The following FAM151A variants were observed in gnomAD, a reference collection of about 807,000 sequenced individuals.
FAM151A encodes the protein protein FAM151A.
A neutral mutation model predicts 40.4 loss-of-function variants in FAM151A; 41 were observed. The ratio of observed to expected loss-of-function variants is 1.01; its 90% confidence interval spans 0.79 to 1.32. The LOEUF (loss-of-function observed/expected upper bound fraction) is 1.32. Among genes scored for constraint, FAM151A ranks in the 40% most tolerant of loss-of-function variants. The probability of loss-of-function intolerance (pLI) is 0.00; values close to 1 mark genes in which losing one functional copy is unlikely to be tolerated. For synonymous variants in FAM151A, 337 were observed against 312.5 expected, an observed-to-expected ratio of 1.08 and a Z score of -0.83; for missense variants, 740 against 740.4, an observed-to-expected ratio of 1.00 and a Z score of 0.01.
At chr1:54,620,072 C>A in intron 1 of FAM151A, 65 bp from the exon 2 acceptor site, 1 of 1,551,468 alleles carries the variant, frequency 6.4e-7, no homozygotes, top group South Asian at 1.2e-5. Flanking sequence ...CATGTTCGTT[C>A]ATCCCATGAC....
intron 4 of FAM151A, among the ~76,000 whole-genome samples, chr1:54,613,955 A>G (rs1170018025): frequency 6.6e-6 from 1 of 152,196 alleles, no homozygotes; most frequent in Non-Finnish European, 1.5e-5. Flanking sequence ...TCTATAATAT[A>G]GTTCCTGCAT....
chr1:54,615,997 A>C (rs1423073611), intron 3 of FAM151A, 23 bp downstream of exon 3: 1 of 1,611,890 alleles, frequency 6.2e-7, no homozygotes, highest in Non-Finnish European at 8.5e-7. Flanking sequence ...GGGGCCGGAG[A>C]GGGTTTCCAG....
rs776323262 is a variant in FAM151A at position 54,609,932 on chromosome 1, C to T, written c.1094G>A (p.Gly365Asp). The change falls in exon 8 of 8, where the codon GGC becomes GAC. Residue 365 changes from glycine to aspartate, a missense_variant. Gly to Asp is a moderately conservative substitution (Grantham distance 94). Coordinates refer to ENST00000302250, the MANE Select transcript of FAM151A (RefSeq NM_176782.3). ...TATMTLPDTE[G>D]MILLNTGLEG... The stretch of plus-strand genomic sequence containing the variant: ...GAGGCCAGTGTTCAGCAGGATCATG[C>T]CTTCTGTGTCTGGAAGAGGCGGCAG... 7 of 1,603,968 alleles carry T rather than the reference C, an allele frequency of 4.4e-6. No individual in the cohort carries two copies. In the African/African-American group the frequency reaches 8.0e-5, roughly 18 times the overall value.
rs370931124 is a variant in FAM151A, at chr1:54,623,262, G to A, written c.118+16C>T. 116 of 1,579,876 alleles carry A rather than the reference G, an allele frequency of 7.3e-5. 1 individual carries two copies. The highest frequency in any genetic ancestry group is 4.7e-4 in the Admixed American group (28 of 59,892). On this transcript the variant is annotated intron_variant, in intron 1 of 7. Coordinates refer to ENST00000302250, the MANE Select transcript of FAM151A (RefSeq NM_176782.3). ...TGAGGGAAGCCACTCAGGATGACAT[G>A]GGGGGAGGCACCTACCTGGCCGCCG... is the stretch of plus-strand genomic sequence containing the variant.
Position 54,612,538 on chromosome 1 carries a change from T to C in FAM151A, c.748A>G (p.Met250Val). The change falls in exon 5 of 8, where the codon ATG becomes GTG. Residue 250 changes from methionine (M) to valine (V), a missense_variant. Physicochemically the swap from Met to Val is conservative, Grantham distance 21. Transcript: ENST00000302250. ...QRVTFPVRSS[M>V]VRAAWPHFSW... ...AAGTGGGGCCAGGCAGCCCGCACCA[T>C]GGAAGACCGTACAGGGAAGGTGACC... 6.2e-7 allele frequency: 1 copy of C among 1,614,070 alleles called. No individual in the cohort carries two copies. The highest frequency in any genetic ancestry group is 8.5e-7 in the Non-Finnish European group (1 of 1,180,022).
rs773523016 is a variant in FAM151A, at chr1:54,616,119, T to G, written c.316A>C (p.Asn106His). 9 of 1,614,162 alleles carry G rather than the reference T, an allele frequency of 5.6e-6. No individual in the cohort carries two copies. The highest frequency in any genetic ancestry group is 7.6e-6 in the Non-Finnish European group (9 of 1,180,016). ...GCCATGATGGGAACTCCTGTCTCAT[T>G]GGCTGTGCCGAGCCCTTCTACATTG... is the stretch of plus-strand genomic sequence containing the variant. ...DVNVEGLGTA[N>H]ETGVPIMAHP... Residue 106 changes from asparagine to histidine, a missense_variant, in exon 3 of 8, where the codon AAT (asparagine) becomes CAT (histidine). Asn to His is a moderately conservative substitution (Grantham distance 68). Coordinates refer to ENST00000302250, the MANE Select transcript of FAM151A (RefSeq NM_176782.3).
rs368907173 is a variant in FAM151A, at chr1:54,623,218, G to A, written c.118+60C>T. On this transcript the variant is annotated intron_variant, in intron 1 of 7. Transcript: ENST00000302250. Reference sequence around the variant, plus strand: ...CTGGTCAGAGCTGTAAGTGAGAAGTGGGGATAAGGAGCGAGCGATGAGGGA... The same window carrying A: ...CTGGTCAGAGCTGTAAGTGAGAAGTAGGGATAAGGAGCGAGCGATGAGGGA... The A allele has an allele frequency of 7.5e-5, 83 of 1,106,376 alleles. 1 individual carries two copies. The South Asian group carries it at 1.0e-3, about 13-fold the overall frequency. 68.5% of individuals were successfully genotyped at this position (1,106,376 alleles called of 1,614,324 possible).
At chr1:54,615,988 G>A in intron 3 of FAM151A, 32 bp downstream of exon 3, 6 of 1,609,896 alleles carry the variant, frequency 3.7e-6, no homozygotes, top group Middle Eastern at 2.1e-4. Flanking sequence ...AGAGGGCTGG[G>A]GGCCGGAGAG....
At chr1:54,618,586 G>C (rs1437393790) in intron 2 of FAM151A, among the ~76,000 whole-genome samples, 1 of 152,114 alleles carries the variant, frequency 6.6e-6, no homozygotes, top group East Asian at 1.9e-4. Context: ...GGGCTGACTT[G>C]CTTGGGGGTG....
At chr1:54,620,479 G>T (rs553934681) in intron 1 of FAM151A, among the ~76,000 whole-genome samples, 1 of 152,296 alleles carries the variant, frequency 6.6e-6, no homozygotes, top group African/African-American at 2.4e-5. Flanking sequence ...GCCGAGGTGG[G>T]TGGATCACCT....
chr1:54,623,417 C>T lies in FAM151A; in HGVS notation c.-22G>A, dbSNP rs1253843964. On this transcript the variant is annotated 5_prime_UTR_variant, in exon 1 of 8. Coordinates refer to ENST00000302250, the MANE Select transcript of FAM151A (RefSeq NM_176782.3). ...CCATGGCGACGCTCTCTGGGGAATG[C>T]CCCCAACTCCGTGCGGCCCAGAGTC... The T allele has an allele frequency of 1.9e-6, 3 of 1,583,488 alleles. No homozygotes were observed. Among genetic ancestry groups the T allele is most frequent in the Middle Eastern group, 1.7e-4 (1 of 5,980 alleles).
chr1:54,614,927 G>C (rs1644155963), intron 3 of FAM151A, 68 bp from the exon 4 acceptor site: 2 of 1,468,196 alleles, frequency 1.4e-6, no homozygotes, highest in Non-Finnish European at 1.9e-6. Flanking sequence ...TCCCTGGGCA[G>C]AAAGCAGAGC....
rs540476626 is a variant in FAM151A, at chr1:54,620,041, T to C, written c.119-34A>G. ...AATCCCAAGGGGCTGTTAGCGTCTG[T>C]CCTCGCCCCAGCCCAAGACTCATGT... On this transcript the variant is annotated intron_variant, in intron 1 of 7. Coordinates refer to ENST00000302250, the MANE Select transcript of FAM151A (RefSeq NM_176782.3). 225 of 1,606,992 alleles carry C rather than the reference T, an allele frequency of 1.4e-4. 2 individuals carry two copies. In the South Asian group the frequency reaches 2.3e-3, roughly 17 times the overall value.
At position 54,611,622 on chromosome 1, in the gene FAM151A, C is replaced by T; in HGVS notation, c.924G>A (p.Gln308=). 6.2e-7 allele frequency: 1 copy of T among 1,614,016 alleles called. No homozygotes were observed. Among genetic ancestry groups the T allele is most frequent in the South Asian group, 1.1e-5 (1 of 91,068 alleles). ...YYDIFEPLLS[Q]FKQLALNATR... ...TCTCCTTACAGGCCAGCTGCTTGAA[C>T]TGTGACAGGAGAGGCTCAAAGATGT... The change falls in exon 6 of 8, where the codon CAG becomes CAA. Residue 308 remains glutamine (Q), a synonymous_variant. Transcript: ENST00000302250.
At chr1:54,613,995 C>T (rs1011806770) in intron 4 of FAM151A, among the ~76,000 whole-genome samples, 1 of 152,216 alleles carries the variant, frequency 6.6e-6, no homozygotes, top group African/African-American at 2.4e-5. Context: ...CTACCTACCT[C>T]ATTCTCATAA....
intron 3 of FAM151A, among the ~76,000 whole-genome samples, chr1:54,615,543 T>TA (rs1644163946): frequency 6.6e-6 from 1 of 151,780 alleles, no homozygotes; most frequent in Admixed American, 6.6e-5. Context: ...CCTGGAGAGA[T>TA]ACAGTGTTGC....
At position 54,614,756 on chromosome 1, in the gene FAM151A, G is replaced by C; in HGVS notation, c.519C>G (p.Asn173Lys). ...EGKVRRPIWI[N>K]ADILKGPNML... ...TGTTGGGGCCCTTTAAGATGTCAGC[G>C]TTGATCCATATGGGCCGCCGGACTT... Residue 173 changes from asparagine to lysine, a missense_variant, in exon 4 of 8, where the codon AAC becomes AAG. Transcript: ENST00000302250. 1 of 1,614,102 alleles carries C rather than the reference G, an allele frequency of 6.2e-7. No homozygotes were observed. Among genetic ancestry groups the C allele is most frequent in the Middle Eastern group, 1.6e-4 (1 of 6,062 alleles).
intron 1 of FAM151A, among the ~76,000 whole-genome samples, chr1:54,621,314 G>A (rs1355325369): frequency 6.6e-6 from 1 of 152,058 alleles, no homozygotes; most frequent in Non-Finnish European, 1.5e-5. Context: ...AAAATTAGCT[G>A]GGCGTGGTGG....
chr1:54,612,202 C>T (rs540589937), intron 5 of FAM151A, among the ~76,000 whole-genome samples: 13 of 151,790 alleles, frequency 8.6e-5, no homozygotes, highest in South Asian at 2.1e-4. Context: ...AGGGGTACAG[C>T]GGGCTCCTAT....
Sources: allele counts gnomAD v4.1 joint callset (sites outside exome capture counted in the v4.1 genomes callset), GRCh38; gene constraint gnomAD v4.1.1; transcripts MANE v1.5; gene names NCBI Gene and HGNC (gene_info 2026-07-23, HGNC 2026-07-21).